Variants in ESRRG observed in about 807,000 individuals in gnomAD.
ESRRG encodes the protein estrogen-related receptor gamma.
A neutral mutation model predicts 44.0 loss-of-function variants in ESRRG; 13 were observed. The observed-to-expected ratio is 0.30, with a 90% confidence interval of 0.19 to 0.47. The LOEUF (loss-of-function observed/expected upper bound fraction) is 0.47, where lower values mean the gene tolerates loss of function less well. Ranked by LOEUF, ESRRG falls within the 20% of genes least tolerant of loss-of-function variation. The pLI is 1.00. For synonymous variants in ESRRG, 215 were observed against 214.6 expected (o/e 1.00, Z -0.02); for missense variants, 395 against 580.6 (o/e 0.68, Z 3.29).
upstream of ESRRG, chr1:217,090,574 T>G (rs977323118): frequency 1.3e-5 from 2 of 152,108 alleles, no homozygotes; most frequent in Non-Finnish European, 2.9e-5. Context: ...GAGCTATTTT[T>G]GTCTCCCAGA....
At chr1:216,726,528 AT>A (rs1013306165), upstream of ESRRG, among the ~76,000 whole-genome samples, 3 of 152,144 alleles carry the variant, frequency 2.0e-5, no homozygotes, top group African/African-American at 7.2e-5. Flanking sequence ...TACAAAAAAA[AT>A]CTGGAAAAAC....
chr1:216,740,858 G>A (rs2090594131), intron 2 of ESRRG, among the ~76,000 whole-genome samples: 1 of 151,548 alleles, frequency 6.6e-6, no homozygotes, highest in South Asian at 2.1e-4. Context: ...ATTTATTGGA[G>A]TGGCTTTGAA....
At chr1:217,082,438 G>A (rs7539648) in intron 1 of ESRRG, among the ~76,000 whole-genome samples, 87,310 of 152,106 alleles carry the variant, frequency 0.57, 25,358 homozygotes, top group East Asian at 0.74. Context: ...GGTTCAAAGA[G>A]TTAAAATTAA....
intron 1 of ESRRG, among the ~76,000 whole-genome samples, chr1:216,960,394 C>T (rs2068796816): frequency 6.6e-6 from 1 of 152,128 alleles, no homozygotes; most frequent in Admixed American, 6.6e-5. Flanking sequence ...GTAAACACCA[C>T]CTCAAATTGT....
intron 4 of ESRRG, among the ~76,000 whole-genome samples, chr1:216,567,322 G>A (rs1330442554): frequency 6.6e-6 from 1 of 152,068 alleles, no homozygotes; most frequent in Non-Finnish European, 1.5e-5. Flanking sequence ...AAAAAGAATG[G>A]GGCTTGCATT....
At chr1:216,918,873 G>A (rs1578143479) in intron 2 of ESRRG, among the ~76,000 whole-genome samples, 1 of 147,940 alleles carries the variant, frequency 6.8e-6, no homozygotes, top group Non-Finnish European at 1.5e-5. Context: ...ATAGATATGT[G>A]TATATATATA....
chr1:216,899,483 A>G (rs2058816869), intron 2 of ESRRG, among the ~76,000 whole-genome samples: 1 of 152,152 alleles, frequency 6.6e-6, no homozygotes, highest in Non-Finnish European at 1.5e-5. Context: ...GAAGATGAGG[A>G]AGAGAAATAC....
intron 2 of ESRRG, among the ~76,000 whole-genome samples, chr1:216,866,565 CT>C (rs111604276): frequency 0.49 from 71,576 of 145,242 alleles, 19,500 homozygotes; most frequent in African/African-American, 0.77. Flanking sequence ...TTCTTTCTTT[CT>C]TTTTTTTTTT....
In ESRRG at chr1:217,066,255, C is replaced by CTTTTTTTTTTT. The variant is rs68151743; in HGVS notation, c.-106+23241_-106+23251dup. Among the ~76,000 whole-genome samples the CTTTTTTTTTTT allele has an allele frequency of 2.3e-5, 3 of 132,500 alleles. 1 individual carries two copies. Among genetic ancestry groups the CTTTTTTTTTTT allele is most frequent in the Admixed American group, 1.6e-4 (2 of 12,794 alleles). The allele number at this position is 132,500 out of a possible 152,430, so 86.9% of individuals were successfully genotyped here. On this transcript the variant is annotated intron_variant, in intron 1 of 7. Transcript: ENST00000359162. ...CATGGGGAGAATTCCTTTTTCTTTT[C>CTTTTTTTTTTT]TTTTTTTTTTTTTTTTTGAGACGGA...
At chr1:216,537,428 C>T (rs1484492383) in intron 5 of ESRRG, among the ~76,000 whole-genome samples, 1 of 152,002 alleles carries the variant, frequency 6.6e-6, no homozygotes, top group Non-Finnish European at 1.5e-5. Flanking sequence ...CGGACTAGAA[C>T]ACTAGAACTT....
intron 2 of ESRRG, among the ~76,000 whole-genome samples, chr1:216,913,111 C>CAA (rs36067159): frequency 9.8e-4 from 61 of 62,548 alleles, no homozygotes; most frequent in Middle Eastern, 9.8e-3. Context: ...GACTCTGTCT[C>CAA]AAAAAAAAAA....
chr1:216,627,475 T>C (rs1410768165), intron 3 of ESRRG, among the ~76,000 whole-genome samples: 1 of 152,218 alleles, frequency 6.6e-6, no homozygotes, highest in African/African-American at 2.4e-5. Context: ...TCTAGTGGAA[T>C]GCTGATTTTT....
chr1:216,946,103 G>GTACT (rs1415942727), intron 1 of ESRRG, among the ~76,000 whole-genome samples: 1 of 152,150 alleles, frequency 6.6e-6, no homozygotes, highest in Non-Finnish European at 1.5e-5. Context: ...ACCAGTTTTA[G>GTACT]TACTTTCCAA....
chr1:216,912,170 GAAAAGAAA>G (rs1560082337), intron 2 of ESRRG, among the ~76,000 whole-genome samples: 1 of 28,202 alleles, frequency 3.5e-5, no homozygotes, highest in Non-Finnish European at 5.9e-5. Flanking sequence ...GAAAAGAAAA[GAAAAGAAA>G]AGAAAAGGAG....
At position 216,834,666 on chromosome 1, in the gene ESRRG, C is replaced by T. The variant is rs147233275; in HGVS notation, c.-14+104916G>A. 4.1e-3 allele frequency among the ~76,000 whole-genome samples: 625 copies of T among 152,218 alleles called. 5 individuals are homozygous for T. Among genetic ancestry groups the T allele is most frequent in the African/African-American group, 0.014 (587 of 41,548 alleles). ...TGAAGTGCTGTTGAAAATTAAAAGA[C>T]AGGTCAAGACTGGAATGTACAATTG... On this transcript the variant is annotated intron_variant, in intron 2 of 7. Transcript: ENST00000359162.
At chr1:217,028,037 CA>C (rs765304167) in intron 1 of ESRRG, among the ~76,000 whole-genome samples, 4 of 152,118 alleles carry the variant, frequency 2.6e-5, no homozygotes, top group Non-Finnish European at 5.9e-5. Flanking sequence ...ACGAGAATCA[CA>C]AAAACTCAAG....
At chr1:217,001,458 T>A (rs2150655095) in intron 1 of ESRRG, among the ~76,000 whole-genome samples, 1 of 152,348 alleles carries the variant, frequency 6.6e-6, no homozygotes, top group Non-Finnish European at 1.5e-5. Flanking sequence ...TCACACACAA[T>A]TTTTGAACAC....
chr1:216,841,887 T>C (rs1371367771), intron 2 of ESRRG, among the ~76,000 whole-genome samples: 1 of 152,076 alleles, frequency 6.6e-6, no homozygotes, highest in Non-Finnish European at 1.5e-5. Context: ...TTTAGAATGG[T>C]ACAGATGATT....
At chr1:216,751,044 C>T (rs1409364137) in intron 2 of ESRRG, among the ~76,000 whole-genome samples, 1 of 152,096 alleles carries the variant, frequency 6.6e-6, no homozygotes, top group Non-Finnish European at 1.5e-5. Flanking sequence ...AAATGCTTAC[C>T]CATCTTTCTC....
Sources: allele counts gnomAD v4.1 joint callset (sites outside exome capture counted in the v4.1 genomes callset), GRCh38; gene constraint gnomAD v4.1.1; transcripts MANE v1.5; gene names NCBI Gene and HGNC (gene_info 2026-07-23, HGNC 2026-07-21).